FDFT1: variants seen among roughly 807,000 people sequenced by gnomAD.
The protein encoded by FDFT1 is farnesyl-diphosphate farnesyltransferase 1, also known as squalene synthase.
FDFT1 carries 68 observed loss-of-function variants against 46.8 expected under a neutral mutation model. That is an observed-to-expected ratio of 1.45 (90% CI 1.19 to 1.78). FDFT1 has a LOEUF of 1.78. FDFT1 is among the 40% of genes most tolerant of loss of function. The pLI, the probability that FDFT1 is intolerant of heterozygous loss-of-function variation, is 0.00. For missense variants in FDFT1, 928 were observed against 524.4 expected (o/e 1.77, Z -7.52); for synonymous variants, 351 against 185.1 (o/e 1.90, Z -7.28).
At chr8:11,837,761 C>A (rs895913061) in intron 7 of FDFT1, among the ~76,000 whole-genome samples, 1 of 152,120 alleles carries the variant, frequency 6.6e-6, no homozygotes, top group Non-Finnish European at 1.5e-5. Flanking sequence ...CTTAGACTCA[C>A]GTTGGAGACT....
chr8:11,812,108 C>G (rs1289978379), intron 3 of FDFT1, among the ~76,000 whole-genome samples: 2 of 152,202 alleles, frequency 1.3e-5, no homozygotes, highest in Non-Finnish European at 2.9e-5. Flanking sequence ...AGTGAAACTC[C>G]TCACTTCAGA....
At position 11,838,744 on chromosome 8, in the gene FDFT1, A is replaced by G. The variant is rs1811923157; in HGVS notation, c.*135A>G. ...AGAACGCTGTGTGGCTGGGACCTTT[A>G]GGAAAGTGAAATGCAGGTGAGAAGA... On this transcript the variant is annotated 3_prime_UTR_variant, in exon 8 of 8. Coordinates refer to ENST00000220584, the MANE Select transcript of FDFT1 (RefSeq NM_004462.5). The G allele has an allele frequency of 1.4e-6, 1 of 737,222 alleles. No individual in the cohort carries two copies. The allele number at this position is 737,222 out of a possible 1,614,324, so 45.7% of individuals were successfully genotyped here.
chr8:11,807,721 C>T (rs1221295563), intron 1 of FDFT1, among the ~76,000 whole-genome samples: 2 of 152,188 alleles, frequency 1.3e-5, no homozygotes, highest in Non-Finnish European at 2.9e-5. Context: ...AAGGTCAGTG[C>T]GCTGCATTGC....
intron 7 of FDFT1, among the ~76,000 whole-genome samples, chr8:11,832,551 CAAAAA>C (rs531759815): frequency 0.011 from 414 of 36,340 alleles, 10 homozygotes; most frequent in African/African-American, 0.029. Flanking sequence ...GACTTTGTCT[CAAAAA>C]AAAAAAAAAA....
At chr8:11,813,082 G>A (rs1807960639) in intron 3 of FDFT1, among the ~76,000 whole-genome samples, 1 of 152,196 alleles carries the variant, frequency 6.6e-6, no homozygotes, top group Non-Finnish European at 1.5e-5. Flanking sequence ...ACTGAATACT[G>A]TAGGCAATTG....
Position 11,838,758 on chromosome 8 carries a change from C to G in FDFT1, c.*149C>G. The G allele has an allele frequency of 1.5e-6, 1 of 679,508 alleles. No homozygotes were observed. Among genetic ancestry groups the G allele is most frequent in the South Asian group, 1.7e-5 (1 of 57,452 alleles). The allele number at this position is 679,508 out of a possible 1,614,324, so 42.1% of individuals were successfully genotyped here. On this transcript the variant is annotated 3_prime_UTR_variant, in exon 8 of 8. Transcript: ENST00000220584. ...CTGGGACCTTTAGGAAAGTGAAATG[C>G]AGGTGAGAAGAACCTAAACATGAAA... is the stretch of plus-strand genomic sequence containing the variant.
intron 3 of FDFT1, among the ~76,000 whole-genome samples, chr8:11,815,113 G>A (rs1368007702): frequency 6.6e-6 from 1 of 152,160 alleles, no homozygotes; most frequent in Non-Finnish European, 1.5e-5. Flanking sequence ...GTGAGAACAT[G>A]TAGTGTTTGG....
At position 11,809,772 on chromosome 8, in the gene FDFT1, C is replaced by G; in HGVS notation, c.303C>G (p.His101Gln). The G allele has an allele frequency of 6.2e-7, 1 of 1,614,214 alleles. No individual in the cohort carries two copies. The highest frequency in any genetic ancestry group is 1.1e-5 in the South Asian group (1 of 91,088). Residue 101 changes from histidine (H) to glutamine (Q), a missense_variant, in exon 3 of 8, where the codon CAC becomes CAG. Transcript: ENST00000220584. ...AGGTCCCGCTGTTACACAACTTTCA[C>G]TCTTTCCTTTACCAACCAGACTGGC... ...EKKVPLLHNFHSFLYQPDWRF... is the reference protein window; with the variant it reads ...EKKVPLLHNFQSFLYQPDWRF...
At chr8:11,796,292 G>A (rs747243566) in intron 1 of FDFT1, among the ~76,000 whole-genome samples, 1 of 152,210 alleles carries the variant, frequency 6.6e-6, no homozygotes, top group Non-Finnish European at 1.5e-5. Context: ...TTCTAGGACT[G>A]ATCTGATTAC....
chr8:11,811,190 AC>A (rs1234971905), intron 3 of FDFT1, among the ~76,000 whole-genome samples: 1 of 152,238 alleles, frequency 6.6e-6, no homozygotes, highest in Non-Finnish European at 1.5e-5. Flanking sequence ...TTTGACTCTC[AC>A]AGGACACCTG....
Position 11,827,874 on chromosome 8 carries a change from T to C in FDFT1, c.702+1659T>C, listed in dbSNP as rs185243479. 1.5e-4 allele frequency among the ~76,000 whole-genome samples: 22 copies of C among 150,326 alleles called. No homozygotes were observed. The East Asian group carries it at 4.1e-3, about 28-fold the overall frequency. The stretch of plus-strand genomic sequence containing the variant: ...GGACAACGTAGTGAGACCTTATCTC[T>C]TAAAACAAAACAAAACAAAACAAAA... On this transcript the variant is annotated intron_variant, in intron 5 of 7. Transcript: ENST00000220584.
intron 3 of FDFT1, among the ~76,000 whole-genome samples, chr8:11,816,755 TAAG>T (rs1389528178): frequency 6.6e-6 from 1 of 152,216 alleles, no homozygotes; most frequent in Non-Finnish European, 1.5e-5. Context: ...CTTATCAGCT[TAAG>T]GAGATTTAGG....
chr8:11,833,155 A>G (rs530755655), intron 7 of FDFT1, among the ~76,000 whole-genome samples: 1 of 152,318 alleles, frequency 6.6e-6, no homozygotes, highest in African/African-American at 2.4e-5. Context: ...GAAAATATTC[A>G]GCCAGTGACC....
intron 4 of FDFT1, among the ~76,000 whole-genome samples, chr8:11,824,476 A>C (rs1001134799): frequency 3.3e-5 from 5 of 152,024 alleles, no homozygotes; most frequent in Admixed American, 3.3e-4. Context: ...CTAGTTTTGA[A>C]CTCTTAGCCC....
chr8:11,817,497 G>C (rs753689667), intron 3 of FDFT1, among the ~76,000 whole-genome samples: 10 of 152,122 alleles, frequency 6.6e-5, no homozygotes, highest in Non-Finnish European at 1.2e-4. Flanking sequence ...TCTGTTCCTG[G>C]ACTTTCTTTG....
intron 4 of FDFT1, among the ~76,000 whole-genome samples, chr8:11,825,811 A>G (rs542782730): frequency 2.0e-5 from 3 of 152,320 alleles, no homozygotes; most frequent in African/African-American, 7.2e-5. Flanking sequence ...TAAAAACATC[A>G]AATTCCCGTC....
chr8:11,812,778 C>T (rs1002793128), intron 3 of FDFT1, among the ~76,000 whole-genome samples: 2 of 152,214 alleles, frequency 1.3e-5, no homozygotes, highest in Admixed American at 6.5e-5. Flanking sequence ...CCTCGATGTA[C>T]AGTAGATTGA....
intron 1 of FDFT1, among the ~76,000 whole-genome samples, chr8:11,805,082 A>G: frequency 1.3e-5 from 1 of 76,196 alleles, no homozygotes; most frequent in Middle Eastern, 6.3e-3. Context: ...TGCATGGCTA[A>G]TTTTTAAATT....
chr8:11,805,664 T>TTA (rs1563295725), intron 1 of FDFT1, among the ~76,000 whole-genome samples: 18 of 71,606 alleles, frequency 2.5e-4, no homozygotes, highest in African/African-American at 5.2e-4. Flanking sequence ...ATTTTTTGAG[T>TTA]GTTTGGCTCA....
Sources: gnomAD v4.1 joint callset for allele counts (sites outside exome capture counted in the v4.1 genomes callset) on GRCh38, gnomAD v4.1.1 for gene constraint, MANE v1.5 for transcripts, NCBI Gene and HGNC (gene_info 2026-07-23, HGNC 2026-07-21) for gene names.